Variants in THEMIS observed in about 807,000 individuals in gnomAD.
THEMIS encodes thymocyte selection associated, also known as protein THEMIS.
A neutral mutation model predicts 52.6 loss-of-function variants in THEMIS; 37 were observed. The ratio of observed to expected loss-of-function variants is 0.70; its 90% confidence interval spans 0.54 to 0.93. The LOEUF is 0.93. Ranked by LOEUF, THEMIS falls within the 40% of genes least tolerant of loss-of-function variation. The pLI is 0.00. For missense variants in THEMIS, 808 were observed against 763.1 expected (o/e 1.06, Z -0.69); for synonymous variants, 292 against 272.7 (o/e 1.07, Z -0.70).
At chr6:127,913,023 T>C (rs949984452) in intron 1 of THEMIS, among the ~76,000 whole-genome samples, 2 of 152,198 alleles carry the variant, frequency 1.3e-5, no homozygotes, top group African/African-American at 4.8e-5. Context: ...AAGATTGTTA[T>C]GAATTACTTT....
At chr6:127,720,687 G>T (rs1774331860) in intron 4 of THEMIS, among the ~76,000 whole-genome samples, 1 of 151,946 alleles carries the variant, frequency 6.6e-6, no homozygotes, top group Non-Finnish European at 1.5e-5. Context: ...TTCTCCTGTA[G>T]ACCATATATT....
At chr6:127,878,186 G>A (rs1387715320) in intron 1 of THEMIS, among the ~76,000 whole-genome samples, 1 of 152,154 alleles carries the variant, frequency 6.6e-6, no homozygotes, top group Admixed American at 6.5e-5. Flanking sequence ...ATATAACATA[G>A]GCATTCCTGT....
intron 3 of THEMIS, among the ~76,000 whole-genome samples, chr6:127,827,633 G>A (rs931027399): frequency 6.6e-6 from 1 of 152,114 alleles, no homozygotes; most frequent in South Asian, 2.1e-4. Flanking sequence ...CTTCCATCCA[G>A]TAGATCAAGC....
chr6:127,823,247 T>C (rs1431535658), intron 3 of THEMIS, among the ~76,000 whole-genome samples: 1 of 152,172 alleles, frequency 6.6e-6, no homozygotes, highest in East Asian at 1.9e-4. Context: ...CTACTGGTTC[T>C]AAATGTCATG....
intron 4 of THEMIS, among the ~76,000 whole-genome samples, chr6:127,793,909 A>T (rs1777242249): frequency 6.6e-6 from 1 of 152,212 alleles, no homozygotes; most frequent in African/African-American, 2.4e-5. Context: ...CCAAATTTCC[A>T]GATAAAGTTG....
intron 4 of THEMIS, among the ~76,000 whole-genome samples, chr6:127,776,699 T>A (rs1025375628): frequency 3.7e-4 from 57 of 152,354 alleles, no homozygotes; most frequent in African/African-American, 1.3e-3. Context: ...TTATTAAGTT[T>A]TGGTAAAATT....
At chr6:127,905,294 G>A (rs970066118), upstream of THEMIS, among the ~76,000 whole-genome samples, 1 of 152,042 alleles carries the variant, frequency 6.6e-6, no homozygotes, top group African/African-American at 2.4e-5. Context: ...CCAATAAGAT[G>A]ATAGCTGACT....
chr6:127,773,927 A>G (rs391948), intron 4 of THEMIS, among the ~76,000 whole-genome samples: 71,748 of 151,656 alleles, frequency 0.47, 17,867 homozygotes, highest in Non-Finnish European at 0.53. Flanking sequence ...AAACTTAATA[A>G]TTTAAAACGA....
chr6:127,844,381 G>T (rs541802546), intron 2 of THEMIS, among the ~76,000 whole-genome samples: 1 of 152,002 alleles, frequency 6.6e-6, no homozygotes, highest in Non-Finnish European at 1.5e-5. Flanking sequence ...GGTAGTAGAG[G>T]ATGTTCCATC....
At chr6:127,871,431 G>T (rs112211258) in intron 1 of THEMIS, among the ~76,000 whole-genome samples, 10 of 151,932 alleles carry the variant, frequency 6.6e-5, no homozygotes, top group African/African-American at 2.4e-4. Flanking sequence ...TATTAGAAAA[G>T]AGCAATAGCC....
At chr6:127,894,131 G>T (rs577138416) in intron 1 of THEMIS, among the ~76,000 whole-genome samples, 1 of 152,062 alleles carries the variant, frequency 6.6e-6, no homozygotes, top group Admixed American at 6.6e-5. Flanking sequence ...GAGAGATTAA[G>T]CATATGAAAA....
chr6:127,872,207 C>T (rs1174830851), intron 1 of THEMIS, among the ~76,000 whole-genome samples: 1 of 152,152 alleles, frequency 6.6e-6, no homozygotes, highest in Non-Finnish European at 1.5e-5. Flanking sequence ...GGTATGGCAG[C>T]AGGTGCAAAT....
Position 127,813,408 on chromosome 6 carries a change from C to G in THEMIS, c.1233G>C (p.Leu411=), listed in dbSNP as rs1313678359. The G allele has an allele frequency of 6.2e-7, 1 of 1,613,834 alleles. No homozygotes were observed. Among genetic ancestry groups the G allele is most frequent in the South Asian group, 1.1e-5 (1 of 91,062 alleles). ...ACTTTTTGAGGATTTTTTCACAGGC[C>G]AGAACATTCACCACTTTTTTTATTC... is the stretch of plus-strand genomic sequence containing the variant. The part of the protein sequence containing the change: ...CEGIKKVVNV[L]ACEKILKKSY... Residue 411 remains leucine, a synonymous_variant, in exon 4 of 6, where the codon CTG becomes CTC. Transcript: ENST00000368248.
chr6:127,798,615 T>C (rs1777411299), intron 4 of THEMIS, among the ~76,000 whole-genome samples: 1 of 152,000 alleles, frequency 6.6e-6, no homozygotes, highest in Non-Finnish European at 1.5e-5. Context: ...TGGAAAGAAT[T>C]GAATGAGAAC....
intron 1 of THEMIS, among the ~76,000 whole-genome samples, chr6:127,865,766 T>C (rs1386979040): frequency 6.6e-6 from 1 of 152,184 alleles, no homozygotes; most frequent in Non-Finnish European, 1.5e-5. Context: ...AACTATACTG[T>C]AATTCATTTT....
chr6:127,871,083 T>C (rs1353927271), intron 1 of THEMIS, among the ~76,000 whole-genome samples: 2 of 152,136 alleles, frequency 1.3e-5, no homozygotes, highest in Non-Finnish European at 2.9e-5. Flanking sequence ...AGATATCCTG[T>C]GCCATAAAAC....
intron 2 of THEMIS, among the ~76,000 whole-genome samples, chr6:127,840,494 G>A (rs769490658): frequency 6.6e-6 from 1 of 152,050 alleles, no homozygotes; most frequent in Non-Finnish European, 1.5e-5. Context: ...GATGAGTCTG[G>A]TGATGATATT....
chr6:127,859,010 G>A (rs1779710247), intron 1 of THEMIS, among the ~76,000 whole-genome samples: 1 of 152,018 alleles, frequency 6.6e-6, no homozygotes, highest in South Asian at 2.1e-4. Context: ...ATCCATATAA[G>A]CAATGCTGTG....
Position 127,708,590 on chromosome 6 carries a change from G to T in THEMIS, c.*1395C>A, listed in dbSNP as rs1169007119. 2 of 151,982 alleles carry T rather than the reference G, an allele frequency of 1.3e-5. No homozygotes were observed. The highest frequency in any genetic ancestry group is 1.9e-4 in the East Asian group (1 of 5,172). 9.4% of individuals were successfully genotyped at this position (151,982 alleles called of 1,614,324 possible). ...ATAACCAAATGTGGGTCTTAGAAAA[G>T]TTTCTGTTCTTATCTGCACAAACAG... On this transcript the variant is annotated 3_prime_UTR_variant, in exon 6 of 6. Transcript: ENST00000368248.
Sources: gnomAD v4.1 joint callset for allele counts (sites outside exome capture counted in the v4.1 genomes callset) on GRCh38, gnomAD v4.1.1 for gene constraint, MANE v1.5 for transcripts, NCBI Gene and HGNC (gene_info 2026-07-23, HGNC 2026-07-21) for gene names.